The following LRP5 variants were observed in gnomAD, a reference collection of about 807,000 sequenced individuals.
The protein encoded by LRP5 is low-density lipoprotein receptor-related protein 5.
Under a neutral mutation model 154.1 loss-of-function variants are expected in LRP5, and 62 were observed. The observed-to-expected ratio is 0.40, with a 90% CI of 0.33 to 0.50. The LOEUF is 0.50. LRP5 is among the 20% of genes least tolerant of loss of function. LRP5 has a pLI of 0.55. For synonymous variants in LRP5, 966 were observed against 1,011.5 expected (o/e 0.96, Z 0.85); for missense variants, 1,915 against 2,336.7 (o/e 0.82, Z 3.72).
intron 5 of LRP5, among the ~76,000 whole-genome samples, chr11:68,377,159 A>G (rs1387691158): frequency 1.3e-5 from 2 of 151,728 alleles, no homozygotes; most frequent in African/African-American, 4.8e-5. Context: ...GTGGTGGGGC[A>G]TGGGGGCAGA....
intron 17 of LRP5, among the ~76,000 whole-genome samples, chr11:68,433,126 C>T (rs1354219276): frequency 3.3e-5 from 5 of 152,240 alleles, no homozygotes; most frequent in African/African-American, 4.8e-5. Flanking sequence ...GTCCCACACC[C>T]GCAACAGGTG....
In LRP5 at chr11:68,363,805, A is replaced by C; in HGVS notation, c.745A>C (p.Thr249Pro). ...CTTCGCCCTGACGCTCTCCGGGGAC[A>C]CTCTGTACTGGACAGACTGGCAGAC... ...HPFALTLSGD[T>P]LYWTDWQTRS... is the part of the protein sequence containing the mutation. The change falls in exon 4 of 23, where the codon ACT (threonine) becomes CCT (proline). Residue 249 changes from threonine to proline, a missense_variant. Around this residue, in one of 3 missense-constraint regions of LRP5, gnomAD observed 773 missense variants for 1,100.9 expected, o/e 0.70. Transcript: ENST00000294304. The C allele has an allele frequency of 6.2e-7, 1 of 1,612,860 alleles. No homozygotes were observed. Among genetic ancestry groups the C allele is most frequent in the Non-Finnish European group, 8.5e-7 (1 of 1,179,808 alleles).
At chr11:68,312,839 T>G (rs2098589495) in intron 1 of LRP5, 34 bp downstream of exon 1, 1 of 1,006,832 alleles carries the variant, frequency 9.9e-7, no homozygotes, top group Non-Finnish European at 1.2e-6. Flanking sequence ...GGGCCGCGGG[T>G]TGCTCGGACA....
Position 68,349,971 on chromosome 11 carries a change from ACCACC to A in LRP5, c.488+1731_488+1735del, listed in dbSNP as rs767941933. Reference sequence around the variant, plus strand: ...GACTAGAACACAAGAGCCATTTCCCACCACCCCCAGGCTCAGTTGGAAGCCCTTTG... The same window carrying A: ...GACTAGAACACAAGAGCCATTTCCCACCCAGGCTCAGTTGGAAGCCCTTTG... On this transcript the variant is annotated intron_variant, in intron 2 of 22. Transcript: ENST00000294304. Among the ~76,000 whole-genome samples the A allele has an allele frequency of 9.9e-5, 15 of 152,084 alleles. No homozygotes were observed. In the East Asian group the frequency reaches 2.7e-3, roughly 27 times the overall value.
At chr11:68,326,366 T>TG (rs964850362) in intron 1 of LRP5, among the ~76,000 whole-genome samples, 2 of 152,198 alleles carry the variant, frequency 1.3e-5, no homozygotes, top group African/African-American at 4.8e-5. Flanking sequence ...GCTTCCTCTG[T>TG]GGGGGGCTCC....
In LRP5 at chr11:68,365,709, C is replaced by T. The variant is rs1302678147; in HGVS notation, c.1015+7C>T. ...GGCAGGACGTGTAAGGCAGGTGAGG[C>T]GGTGGGACGGGACGGGGCGGGCGGG... On this transcript the variant is annotated splice_region_variant and intron_variant, in intron 5 of 22. Transcript: ENST00000294304. The T allele has an allele frequency of 8.5e-5, 14 of 165,046 alleles. No individual in the cohort carries two copies. In the East Asian group the frequency reaches 1.1e-3, roughly 13 times the overall value. 10.2% of individuals were successfully genotyped at this position (165,046 alleles called of 1,614,324 possible).
intron 21 of LRP5, among the ~76,000 whole-genome samples, chr11:68,445,020 T>C (rs976565189): frequency 2.0e-5 from 3 of 152,188 alleles, no homozygotes; most frequent in Non-Finnish European, 4.4e-5. Flanking sequence ...CCCCAGAGGC[T>C]ACTCACCAGC....
At chr11:68,424,935 G>T (rs2098667829) in intron 14 of LRP5, among the ~76,000 whole-genome samples, 167 bp from the exon 15 acceptor site, 1 of 152,238 alleles carries the variant, frequency 6.6e-6, no homozygotes, top group Non-Finnish European at 1.5e-5. Context: ...TCTGGGGTGA[G>T]CGGGAATTTG....
chr11:68,331,358 A>T (rs2098602618), intron 1 of LRP5, among the ~76,000 whole-genome samples: 1 of 152,244 alleles, frequency 6.6e-6, no homozygotes, highest in Non-Finnish European at 1.5e-5. Context: ...GGAGTAGCCA[A>T]GCAGAGCCTT....
chr11:68,436,379 C>T (rs2098674942), intron 18 of LRP5, among the ~76,000 whole-genome samples: 1 of 152,110 alleles, frequency 6.6e-6, no homozygotes, highest in African/African-American at 2.4e-5. Context: ...CTTGCTCTTC[C>T]TCCCTGGCCA....
At chr11:68,362,687 T>C (rs1418736689) in intron 3 of LRP5, among the ~76,000 whole-genome samples, 2 of 145,002 alleles carry the variant, frequency 1.4e-5, no homozygotes, top group Non-Finnish European at 3.0e-5. Context: ...TGAGACCCCA[T>C]CTCCAAAAAA....
chr11:68,434,127 G>A (rs1195978458), intron 18 of LRP5, among the ~76,000 whole-genome samples: 2 of 152,156 alleles, frequency 1.3e-5, no homozygotes, highest in African/African-American at 2.4e-5. Flanking sequence ...GGGCTGCAGA[G>A]GTCCATGGCT....
At position 68,353,034 on chromosome 11, in the gene LRP5, G is replaced by T. The variant is rs1591212753; in HGVS notation, c.489-4616G>T. On this transcript the variant is annotated intron_variant, in intron 2 of 22. Coordinates refer to ENST00000294304, the MANE Select transcript of LRP5 (RefSeq NM_002335.4). The surrounding 1 kb of genome is among the most constrained non-coding windows in gnomAD (Gnocchi z 4.5). ...TGGGAGGTACTTGGTGCTTGGTTGG[G>T]AGATGCTGGGCCCTTGGTTGGGAGT... Among the ~76,000 whole-genome samples the T allele has an allele frequency of 6.6e-6, 1 of 152,324 alleles. No homozygotes were observed. Among genetic ancestry groups the T allele is most frequent in the Admixed American group, 6.5e-5 (1 of 15,300 alleles).
chr11:68,414,973 G>A (rs920066773), intron 12 of LRP5, among the ~76,000 whole-genome samples: 1 of 152,208 alleles, frequency 6.6e-6, no homozygotes, highest in South Asian at 2.1e-4. Context: ...GGTAACCCAC[G>A]GCAAGGAGGG....
chr11:68,331,626 C>T (rs1363764822), intron 1 of LRP5, among the ~76,000 whole-genome samples: 1 of 152,172 alleles, frequency 6.6e-6, no homozygotes, highest in African/African-American at 2.4e-5. Context: ...ATTTCCTGCT[C>T]CACCCCCAAA....
In LRP5 at chr11:68,413,513, A is replaced by G. The variant is rs2098660755; in HGVS notation, c.2504-176A>G. Among the ~76,000 whole-genome samples the G allele has an allele frequency of 6.6e-6, 1 of 152,188 alleles. No individual in the cohort carries two copies. Among genetic ancestry groups the G allele is most frequent in the African/African-American group, 2.4e-5 (1 of 41,444 alleles). ...TGTAGCCAGGTCACTTAATTTTGCT[A>G]GATCCTGCCTGCGCTTCAGTGGATC... On this transcript the variant is annotated intron_variant, in intron 11 of 22. Transcript: ENST00000294304. This position sits in a 1 kb window ranked among gnomAD's most constrained non-coding sequence, Gnocchi z 5.1.
Position 68,315,967 on chromosome 11 carries a change from A to G in LRP5, c.91+3162A>G, listed in dbSNP as rs114826320. On this transcript the variant is annotated intron_variant, in intron 1 of 22. Coordinates refer to ENST00000294304, the MANE Select transcript of LRP5 (RefSeq NM_002335.4). Reference sequence around the variant, plus strand: ...TAAATTGAGGTGAAACTTATATAATATAAAATATTAAAGTATAGAAGGCAG... The same window carrying G: ...TAAATTGAGGTGAAACTTATATAATGTAAAATATTAAAGTATAGAAGGCAG... 8.2e-3 allele frequency among the ~76,000 whole-genome samples: 1,256 copies of G among 152,278 alleles called. 21 individuals carry two copies. Among genetic ancestry groups the G allele is most frequent in the African/African-American group, 0.029 (1,208 of 41,556 alleles).
chr11:68,342,740 T>TC (rs1450513270), intron 1 of LRP5, among the ~76,000 whole-genome samples: 1 of 152,162 alleles, frequency 6.6e-6, no homozygotes, highest in Non-Finnish European at 1.5e-5. Context: ...TCTCCTGGCC[T>TC]CCCCCGGTGT....
At position 68,353,974 on chromosome 11, in the gene LRP5, A is replaced by T. The variant is rs528571503; in HGVS notation, c.489-3676A>T. ...GTGGGTGGCAGAGCGGGCTCTGGGGATGACCCTCTGGCCCCTGAGGATCTG... is the reference window on the plus strand; with the variant it reads ...GTGGGTGGCAGAGCGGGCTCTGGGGTTGACCCTCTGGCCCCTGAGGATCTG... On this transcript the variant is annotated intron_variant, in intron 2 of 22. Coordinates refer to ENST00000294304, the MANE Select transcript of LRP5 (RefSeq NM_002335.4). The surrounding 1 kb of genome is among the most constrained non-coding windows in gnomAD (Gnocchi z 4.5). 6.6e-6 allele frequency among the ~76,000 whole-genome samples: 1 copy of T among 152,250 alleles called. No individual in the cohort carries two copies. Among genetic ancestry groups the T allele is most frequent in the African/African-American group, 2.4e-5 (1 of 41,562 alleles).
Sources: gnomAD v4.1 joint callset for allele counts (sites outside exome capture counted in the v4.1 genomes callset) on GRCh38, gnomAD v4.1.1 for gene constraint, gnomAD v4.1.1 regional missense constraint, Gnocchi (gnomAD v3.1) non-coding constraint, MANE v1.5 for transcripts, NCBI Gene and HGNC (gene_info 2026-07-23, HGNC 2026-07-21) for gene names.